ETS1: variants seen among roughly 807,000 people sequenced by gnomAD.
ETS1 encodes ETS proto-oncogene 1, transcription factor, also known as protein C-ets-1.
A neutral mutation model predicts 58.6 loss-of-function variants in ETS1; 15 were observed. The ratio of observed to expected loss-of-function variants is 0.26; its 90% CI spans 0.17 to 0.39. ETS1 has a LOEUF of 0.39. ETS1 is among the 10% of genes least tolerant of loss of function. The probability of loss-of-function intolerance (pLI) is 1.00; values close to 1 mark genes in which losing one functional copy is unlikely to be tolerated. For synonymous variants in ETS1, 214 were observed against 218.2 expected, an observed-to-expected ratio of 0.98 and a Z score of 0.17; for missense variants, 417 against 610.5, an observed-to-expected ratio of 0.68 and a Z score of 3.34.
intron 2 of ETS1, among the ~76,000 whole-genome samples, chr11:128,570,993 A>C (rs570277091): frequency 4.7e-4 from 72 of 152,296 alleles, no homozygotes; most frequent in African/African-American, 1.6e-3. Flanking sequence ...CGGTGCTTAC[A>C]TGAACACAGA....
chr11:128,511,784 T>C (rs544084610), intron 3 of ETS1, among the ~76,000 whole-genome samples: 6 of 152,246 alleles, frequency 3.9e-5, no homozygotes, highest in Admixed American at 6.5e-5. Context: ...TCCATGTGGC[T>C]GAACTCAAAT....
chr11:128,536,712 CA>C (rs1863978233), intron 3 of ETS1: 1 of 152,200 alleles, frequency 6.6e-6, no homozygotes, highest in Non-Finnish European at 1.5e-5. Context: ...GCCGTGTTGA[CA>C]GTTCATGTCA....
intron 8 of ETS1, among the ~76,000 whole-genome samples, chr11:128,472,239 A>G (rs1862206556): frequency 6.6e-6 from 1 of 152,166 alleles, no homozygotes; most frequent in Non-Finnish European, 1.5e-5. Context: ...TGAATGTCAA[A>G]CACCTCCACA....
At chr11:128,572,464 G>A (rs4937352) in intron 2 of ETS1, 133,766 of 152,276 alleles carry the variant, frequency 0.88, 59,039 homozygotes, top group African/African-American at 0.96. Flanking sequence ...AGATCCTCAC[G>A]CAATACATTT....
At chr11:128,538,461 C>T (rs1469238939) in intron 3 of ETS1, among the ~76,000 whole-genome samples, 2 of 152,056 alleles carry the variant, frequency 1.3e-5, no homozygotes, top group Non-Finnish European at 2.9e-5. Context: ...ATAACATGCC[C>T]AAGGACCGGT....
At chr11:128,564,344 C>A (rs866427029) in intron 2 of ETS1, among the ~76,000 whole-genome samples, 1 of 152,152 alleles carries the variant, frequency 6.6e-6, no homozygotes, top group Non-Finnish European at 1.5e-5. Flanking sequence ...GAGTAATGGG[C>A]TTGGGCCTTG....
chr11:128,484,016 A>G (rs1362903041), intron 7 of ETS1, among the ~76,000 whole-genome samples: 1 of 152,216 alleles, frequency 6.6e-6, no homozygotes, highest in African/African-American at 2.4e-5. Flanking sequence ...TTTCTCAGAA[A>G]CAAAACAATC....
chr11:128,499,622 A>G (rs958930687), intron 3 of ETS1, among the ~76,000 whole-genome samples: 2 of 152,244 alleles, frequency 1.3e-5, no homozygotes, highest in Admixed American at 1.3e-4. Context: ...ATGGGGCATG[A>G]TAACATTTCT....
chr11:128,527,259 G>C (rs187812198), intron 3 of ETS1: 162 of 241,624 alleles, frequency 6.7e-4, no homozygotes, highest in African/African-American at 2.8e-3. Context: ...GCTGTCTGCA[G>C]TTTCTTTAGA....
chr11:128,478,381 GAGGAAGGGAGGGAGGGAGGA>G (rs2135437102), intron 8 of ETS1, among the ~76,000 whole-genome samples: 7 of 22,004 alleles, frequency 3.2e-4, no homozygotes, highest in African/African-American at 2.7e-3. Context: ...GGGAGGGAGG[GAGGAAGGGAGGGAGGGAGGA>G]AGGGAGGGAG....
In ETS1 at chr11:128,462,353, C is replaced by A; in HGVS notation, c.*8G>T. 1.9e-6 allele frequency: 3 copies of A among 1,604,902 alleles called. No individual in the cohort carries two copies. The highest frequency in any genetic ancestry group is 1.7e-6 in the Non-Finnish European group (2 of 1,172,144). Reference sequence around the variant, plus strand: ...CTCAGCAGGGTTTCCCCAGCCCCTTCAGTGCCATCACTCGTCGGCATCTGG... The same window carrying A: ...CTCAGCAGGGTTTCCCCAGCCCCTTAAGTGCCATCACTCGTCGGCATCTGG... On this transcript the variant is annotated 3_prime_UTR_variant, in exon 10 of 10. Coordinates refer to ENST00000392668, the MANE Select transcript of ETS1 (RefSeq NM_001143820.2).
rs1260343168 is a variant in ETS1, at chr11:128,548,903, C to T, written c.214+7388G>A. Reference sequence around the variant, plus strand: ...CTGATGGTTTCCTCTTTTCCCATAACCTCCAGACCCCCATGGCCCAAGTGT... The same window carrying T: ...CTGATGGTTTCCTCTTTTCCCATAATCTCCAGACCCCCATGGCCCAAGTGT... On this transcript the variant is annotated intron_variant, in intron 3 of 9. Coordinates refer to ENST00000392668, the MANE Select transcript of ETS1 (RefSeq NM_001143820.2). 2.0e-5 allele frequency among the ~76,000 whole-genome samples: 3 copies of T among 152,364 alleles called. No homozygotes were observed. In the South Asian group the frequency reaches 6.2e-4, roughly 32 times the overall value.
chr11:128,547,393 TC>T (rs1227099898), intron 3 of ETS1, among the ~76,000 whole-genome samples: 1 of 152,198 alleles, frequency 6.6e-6, no homozygotes, highest in Non-Finnish European at 1.5e-5. Context: ...CCTGAAACTC[TC>T]CTGGGCAAGA....
chr11:128,483,136 A>G (rs938272411), intron 7 of ETS1, among the ~76,000 whole-genome samples: 1 of 152,120 alleles, frequency 6.6e-6, no homozygotes, highest in Non-Finnish European at 1.5e-5. Flanking sequence ...TCTTCCCCTC[A>G]AGTTTCTGTG....
chr11:128,563,069 G>C (rs1864431299), intron 2 of ETS1, among the ~76,000 whole-genome samples: 1 of 151,964 alleles, frequency 6.6e-6, no homozygotes, highest in South Asian at 2.1e-4. Flanking sequence ...TCGGTCTTCT[G>C]TCTTTAGCAG....
At position 128,462,096 on chromosome 11, in the gene ETS1, G is replaced by A. The variant is rs1343159134; in HGVS notation, c.*265C>T. 1 of 467,166 alleles carries A rather than the reference G, an allele frequency of 2.1e-6. No individual in the cohort carries two copies. Among genetic ancestry groups the A allele is most frequent in the Non-Finnish European group, 3.9e-6 (1 of 259,624 alleles). 28.9% of individuals were successfully genotyped at this position (467,166 alleles called of 1,614,324 possible). On this transcript the variant is annotated 3_prime_UTR_variant, in exon 10 of 10. Coordinates refer to ENST00000392668, the MANE Select transcript of ETS1 (RefSeq NM_001143820.2). Reference sequence around the variant, plus strand: ...TAGTCTCTTTCTCTGTTAAGCCAGAGCCTTCAAGCTTCTGAGAAGGCCCTT... The same window carrying A: ...TAGTCTCTTTCTCTGTTAAGCCAGAACCTTCAAGCTTCTGAGAAGGCCCTT...
At chr11:128,563,055 T>C (rs998887313) in intron 2 of ETS1, among the ~76,000 whole-genome samples, 6 of 152,162 alleles carry the variant, frequency 3.9e-5, no homozygotes, top group African/African-American at 1.2e-4. Flanking sequence ...GGTGATCTAT[T>C]CTTTCGGTCT....
At chr11:128,530,004 A>G (rs1863869973) in intron 3 of ETS1, 2 of 152,208 alleles carry the variant, frequency 1.3e-5, no homozygotes, top group South Asian at 4.1e-4. Context: ...AGGAACATAA[A>G]TTCATTAAAA....
intron 5 of ETS1, among the ~76,000 whole-genome samples, chr11:128,488,387 T>C (rs1862696829): frequency 6.6e-6 from 1 of 152,102 alleles, no homozygotes; most frequent in Non-Finnish European, 1.5e-5. Context: ...CAGAATGGAA[T>C]ATATTCTTAA....
Sources: allele counts gnomAD v4.1 joint callset (sites outside exome capture counted in the v4.1 genomes callset), GRCh38; gene constraint gnomAD v4.1.1; transcripts MANE v1.5; gene names NCBI Gene and HGNC (gene_info 2026-07-23, HGNC 2026-07-21).